PDGFC: variants seen among roughly 807,000 people sequenced by gnomAD.
The protein encoded by PDGFC is platelet-derived growth factor C.
A neutral mutation model predicts 35.5 loss-of-function variants in PDGFC; 12 were observed. The observed-to-expected ratio is 0.34, with a 90% CI of 0.22 to 0.55. The LOEUF (loss-of-function observed/expected upper bound fraction) is 0.55. Ranked by LOEUF, PDGFC falls within the 20% of genes least tolerant of loss-of-function variation. The pLI, the probability that PDGFC is intolerant of heterozygous loss-of-function variation, is 0.91. For missense variants in PDGFC, 322 were observed against 412.4 expected (o/e 0.78, Z 1.90); for synonymous variants, 159 against 148.8 (o/e 1.07, Z -0.50).
At chr4:156,924,436 AAT>A (rs1485345061) in intron 1 of PDGFC, among the ~76,000 whole-genome samples, 4 of 152,216 alleles carry the variant, frequency 2.6e-5, no homozygotes, top group African/African-American at 9.7e-5. Flanking sequence ...TTTTTAAATA[AAT>A]TGTACCTAAA....
In PDGFC at chr4:156,850,338, G is replaced by C; in HGVS notation, c.197C>G (p.Thr66Ser). ...GSIHSPRFPH[T>S]YPRNTVLVWR... ...TACCAAGACCGTATTTCTTGGATAAGTATGAGGAAACCTTGGGCTGTGAAT... is the reference window on the plus strand; with the variant it reads ...TACCAAGACCGTATTTCTTGGATAACTATGAGGAAACCTTGGGCTGTGAAT... The change falls in exon 2 of 6, where the codon ACT becomes AGT. Residue 66 changes from threonine to serine, a missense_variant. Transcript: ENST00000502773. The C allele has an allele frequency of 6.2e-7, 1 of 1,608,698 alleles. No individual in the cohort carries two copies. Among genetic ancestry groups the C allele is most frequent in the South Asian group, 1.1e-5 (1 of 90,716 alleles).
At chr4:156,821,768 T>C (rs1016674774) in intron 2 of PDGFC, among the ~76,000 whole-genome samples, 6 of 152,132 alleles carry the variant, frequency 3.9e-5, no homozygotes, top group African/African-American at 1.4e-4. Context: ...CAGGCTGGTC[T>C]TGAGCTCCCG....
At chr4:156,907,745 T>C (rs114834879) in intron 1 of PDGFC, among the ~76,000 whole-genome samples, 2,488 of 152,252 alleles carry the variant, frequency 0.016, 74 homozygotes, top group African/African-American at 0.057. Flanking sequence ...TCACCTGGGA[T>C]GAAGTGGCCC....
chr4:156,802,972 A>G (rs1340610999), intron 3 of PDGFC, among the ~76,000 whole-genome samples: 1 of 152,154 alleles, frequency 6.6e-6, no homozygotes, highest in African/African-American at 2.4e-5. Context: ...TTCGCAAACA[A>G]GGAAGTAAAT....
At chr4:156,787,746 T>A (rs1418352411) in intron 3 of PDGFC, among the ~76,000 whole-genome samples, 1 of 152,008 alleles carries the variant, frequency 6.6e-6, no homozygotes, top group Non-Finnish European at 1.5e-5. Flanking sequence ...AGACAAACAA[T>A]GTTCGCCTAG....
intron 4 of PDGFC, 123 bp from the exon 5 acceptor site, chr4:156,768,113 T>A: frequency 1.5e-6 from 1 of 670,944 alleles, no homozygotes; most frequent in Non-Finnish European, 2.6e-6. Context: ...CATAACAATA[T>A]CCGCTCTTAT....
chr4:156,785,203 A>AT (rs894592313), intron 3 of PDGFC, among the ~76,000 whole-genome samples: 12 of 151,616 alleles, frequency 7.9e-5, no homozygotes, highest in African/African-American at 1.7e-4. Flanking sequence ...ACTGTTCTGA[A>AT]TTTTTTTTTG....
chr4:156,764,532 C>T (rs1179167253), intron 5 of PDGFC, among the ~76,000 whole-genome samples: 1 of 152,102 alleles, frequency 6.6e-6, no homozygotes. Context: ...TTTATAGACT[C>T]AGAATATCAC....
intron 4 of PDGFC, among the ~76,000 whole-genome samples, chr4:156,769,190 A>T (rs1578997041): frequency 6.6e-6 from 1 of 151,830 alleles, no homozygotes; most frequent in East Asian, 1.9e-4. Flanking sequence ...TAACACAGAC[A>T]TGAATGAAAA....
At chr4:156,824,327 T>TATATATATATACAC (rs1491500876) in intron 2 of PDGFC, among the ~76,000 whole-genome samples, 2 of 102,838 alleles carry the variant, frequency 1.9e-5, no homozygotes, top group African/African-American at 4.5e-5. Context: ...TATATATATA[T>TATATATATATACAC]ACACACACAC....
intron 2 of PDGFC, among the ~76,000 whole-genome samples, chr4:156,826,773 C>A (rs1350511999): frequency 6.6e-6 from 1 of 151,910 alleles, no homozygotes; most frequent in African/African-American, 2.4e-5. Context: ...TGACTTCAAC[C>A]CTGATTTTAA....
intron 1 of PDGFC, among the ~76,000 whole-genome samples, chr4:156,957,236 C>T (rs990355760): frequency 2.6e-5 from 4 of 151,994 alleles, no homozygotes; most frequent in African/African-American, 9.7e-5. Context: ...GGCTCTCCCC[C>T]AAACCTCCAA....
intron 3 of PDGFC, among the ~76,000 whole-genome samples, chr4:156,810,087 G>C (rs1731889999): frequency 6.6e-6 from 1 of 151,688 alleles, no homozygotes; most frequent in African/African-American, 2.4e-5. Flanking sequence ...ATTCTTAGTG[G>C]CTTTAATCAA....
chr4:156,923,406 A>G (rs1011621456), intron 1 of PDGFC, among the ~76,000 whole-genome samples: 2 of 152,230 alleles, frequency 1.3e-5, no homozygotes, highest in Non-Finnish European at 2.9e-5. Flanking sequence ...AAGAGAAAAT[A>G]GCCCCACTAT....
chr4:156,827,567 A>T, intron 2 of PDGFC, among the ~76,000 whole-genome samples: 1 of 152,204 alleles, frequency 6.6e-6, no homozygotes, highest in East Asian at 1.9e-4. Context: ...CCTCTTCAGC[A>T]AAACAAAAAA....
At chr4:156,810,759 T>G (rs895699138) in intron 3 of PDGFC, 78 bp downstream of exon 3, 51 of 907,252 alleles carry the variant, frequency 5.6e-5, no homozygotes, top group Non-Finnish European at 7.8e-5. Context: ...TTTCTGATTC[T>G]CATGTGTAAG....
chr4:156,877,491 A>T (rs1023791656), intron 1 of PDGFC, among the ~76,000 whole-genome samples: 3 of 152,162 alleles, frequency 2.0e-5, no homozygotes, highest in Admixed American at 1.3e-4. Flanking sequence ...TTATTTTTAT[A>T]AAAAAATTCT....
chr4:156,815,115 C>T (rs1363620804), intron 2 of PDGFC, among the ~76,000 whole-genome samples: 3 of 152,092 alleles, frequency 2.0e-5, no homozygotes, highest in Non-Finnish European at 1.5e-5. Context: ...TAATAAGGTA[C>T]TGTGTTGTCT....
chr4:156,794,284 T>C (rs1390103926), intron 3 of PDGFC, among the ~76,000 whole-genome samples: 4 of 152,138 alleles, frequency 2.6e-5, no homozygotes, highest in African/African-American at 9.7e-5. Flanking sequence ...TGGAAGAGCA[T>C]GGTATATATT....
Sources: gnomAD v4.1 joint callset for allele counts (sites outside exome capture counted in the v4.1 genomes callset) on GRCh38, gnomAD v4.1.1 for gene constraint, MANE v1.5 for transcripts, NCBI Gene and HGNC (gene_info 2026-07-23, HGNC 2026-07-21) for gene names.